The following ZBTB20 variants were observed in gnomAD, a reference collection of about 807,000 sequenced individuals.
ZBTB20 encodes the protein zinc finger and BTB domain containing 20.
A neutral mutation model predicts 56.9 loss-of-function variants in ZBTB20; 9 were observed. The observed-to-expected ratio is 0.16, with a 90% CI of 0.10 to 0.28. The LOEUF (loss-of-function observed/expected upper bound fraction) is 0.28. Ranked by LOEUF, ZBTB20 falls within the 10% of genes least tolerant of loss-of-function variation. The pLI is 1.00. For synonymous variants in ZBTB20, 417 were observed against 420.7 expected, an observed-to-expected ratio of 0.99 and a Z score of 0.11; for missense variants, 655 against 1,003.0, an observed-to-expected ratio of 0.65 and a Z score of 4.69.
chr3:114,407,198 A>G (rs9849355), intron 7 of ZBTB20, among the ~76,000 whole-genome samples: 10,012 of 152,278 alleles, frequency 0.066, 498 homozygotes, highest in Non-Finnish European at 0.11. Context: ...TAGAAAATCA[A>G]ATAAATAAGA....
intron 6 of ZBTB20, among the ~76,000 whole-genome samples, chr3:114,542,007 C>T (rs1259289147): frequency 2.0e-5 from 3 of 152,080 alleles, no homozygotes; most frequent in African/African-American, 7.2e-5. Context: ...ATTTAATGAT[C>T]ATCTGGATGT....
In ZBTB20 at chr3:114,321,057, C is replaced by G. The variant is rs1349963884; in HGVS notation, c.*17948G>C. ...AAGCCTCCAAGTTATGTTAGGTGGA[C>G]AGTAAGACCAGGTGGACAGCATTTG... is the stretch of plus-strand genomic sequence containing the variant. On this transcript the variant is annotated 3_prime_UTR_variant, in exon 12 of 12. Coordinates refer to ENST00000675478, the MANE Select transcript of ZBTB20 (RefSeq NM_001348800.3). 2 of 152,118 alleles carry G rather than the reference C, an allele frequency of 1.3e-5. No homozygotes were observed. Among genetic ancestry groups the G allele is most frequent in the African/African-American group, 4.8e-5 (2 of 41,424 alleles). The allele number at this position is 152,118 out of a possible 1,614,324, so 9.4% of individuals were successfully genotyped here. A position where few individuals can be genotyped will look rare whatever the true frequency, so the allele number is the denominator to read the frequency against.
chr3:114,704,710 T>A (rs778603434), intron 5 of ZBTB20, among the ~76,000 whole-genome samples: 2 of 152,120 alleles, frequency 1.3e-5, no homozygotes, highest in Non-Finnish European at 2.9e-5. Flanking sequence ...GAATTCTAAC[T>A]CTCTCATTTT....
chr3:114,793,032 T>G (rs919687012), intron 5 of ZBTB20, among the ~76,000 whole-genome samples: 1 of 151,760 alleles, frequency 6.6e-6, no homozygotes, highest in African/African-American at 2.4e-5. Context: ...CCTGCCACCA[T>G]CCCCAGCTAA....
intron 3 of ZBTB20, among the ~76,000 whole-genome samples, chr3:114,946,818 T>C (rs1469229003): frequency 6.9e-6 from 1 of 145,466 alleles, no homozygotes; most frequent in Non-Finnish European, 1.5e-5. Flanking sequence ...TGGTACTTAA[T>C]TAAACTAAAA....
intron 7 of ZBTB20, among the ~76,000 whole-genome samples, chr3:114,421,109 G>C (rs35081511): frequency 6.6e-6 from 1 of 151,970 alleles, no homozygotes; most frequent in African/African-American, 2.4e-5. Context: ...TCAATTCTTA[G>C]GGCTTTTCCT....
At chr3:114,484,476 T>C (rs1331359248) in intron 7 of ZBTB20, among the ~76,000 whole-genome samples, 1 of 152,140 alleles carries the variant, frequency 6.6e-6, no homozygotes, top group Admixed American at 6.5e-5. Context: ...GGACCAGGTA[T>C]ATACTGCAAT....
intron 7 of ZBTB20, among the ~76,000 whole-genome samples, chr3:114,472,024 C>G (rs370344475): frequency 1.8e-4 from 28 of 152,178 alleles, no homozygotes; most frequent in African/African-American, 6.5e-4. Context: ...TTTCCTTAGG[C>G]GAATAGGAGG....
intron 6 of ZBTB20, among the ~76,000 whole-genome samples, chr3:114,679,817 C>T (rs1288156449): frequency 6.6e-6 from 1 of 152,160 alleles, no homozygotes; most frequent in Non-Finnish European, 1.5e-5. Flanking sequence ...AATCATTCTA[C>T]TATAAAGACT....
In ZBTB20 at chr3:114,339,559, G is replaced by T. The variant is rs2079605939; in HGVS notation, c.1805-133C>A. 1 of 1,133,712 alleles carries T rather than the reference G, an allele frequency of 8.8e-7. No individual in the cohort carries two copies. Among genetic ancestry groups the T allele is most frequent in the Non-Finnish European group, 1.2e-6 (1 of 826,996 alleles). 70.2% of individuals were successfully genotyped at this position (1,133,712 alleles called of 1,614,324 possible). ...AAAAAATAAAATTTGATTGCTTAAT[G>T]GATCATCCTCGTTTGGAAAAATCCA... On this transcript the variant is annotated intron_variant, in intron 11 of 11. Transcript: ENST00000675478. The surrounding 1 kb of genome is among the most constrained non-coding windows in gnomAD (Gnocchi z 4.2).
At chr3:115,047,520 T>C (rs1162426396) in intron 2 of ZBTB20, among the ~76,000 whole-genome samples, 36 of 152,208 alleles carry the variant, frequency 2.4e-4, no homozygotes, top group Admixed American at 2.3e-3. Flanking sequence ...ATAATCATTA[T>C]TGTACATTAT....
intron 2 of ZBTB20, among the ~76,000 whole-genome samples, chr3:115,056,112 A>G (rs1258868257): frequency 6.6e-6 from 1 of 152,162 alleles, no homozygotes; most frequent in Non-Finnish European, 1.5e-5. Context: ...AATGAGAGAT[A>G]CATATAAGCA....
chr3:114,432,944 T>A (rs747004835), intron 7 of ZBTB20, among the ~76,000 whole-genome samples: 8 of 151,934 alleles, frequency 5.3e-5, no homozygotes, highest in Non-Finnish European at 8.8e-5. Flanking sequence ...AAGCTTAGAG[T>A]AATAAACTCC....
chr3:114,566,022 A>T (rs1269673703), intron 6 of ZBTB20, among the ~76,000 whole-genome samples: 7 of 127,772 alleles, frequency 5.5e-5, no homozygotes, highest in African/African-American at 1.6e-4. Flanking sequence ...TTCTTTTTTT[A>T]AAAGAAACCA....
intron 5 of ZBTB20, among the ~76,000 whole-genome samples, chr3:114,748,348 TCTTTTCTC>T (rs1560202413): frequency 1.5e-4 from 4 of 27,340 alleles, no homozygotes; most frequent in Non-Finnish European, 2.2e-4. Context: ...TTTCTTTCTT[TCTTTTCTC>T]TCTCTCTCTC....
chr3:114,471,320 T>A (rs2040103141), intron 7 of ZBTB20, among the ~76,000 whole-genome samples: 1 of 152,214 alleles, frequency 6.6e-6, no homozygotes, highest in South Asian at 2.1e-4. Flanking sequence ...AGATGGTAAA[T>A]AACTAGTTCA....
In ZBTB20 at chr3:115,023,153, T is replaced by A. The variant is rs142811964; in HGVS notation, c.-507+48066A>T. ...TGAAGCATGACAGTTAAATTGTGCCTAGAAGGACAGAGATTGAAACCTTAA... is the reference window on the plus strand; with the variant it reads ...TGAAGCATGACAGTTAAATTGTGCCAAGAAGGACAGAGATTGAAACCTTAA... On this transcript the variant is annotated intron_variant, in intron 2 of 11. Transcript: ENST00000675478. Among the ~76,000 whole-genome samples, 9 of 150,986 alleles carry A rather than the reference T, an allele frequency of 6.0e-5. No individual in the cohort carries two copies. The East Asian group carries it at 1.4e-3, about 23-fold the overall frequency.
At chr3:115,032,352 G>C (rs548422401) in intron 2 of ZBTB20, among the ~76,000 whole-genome samples, 2 of 151,540 alleles carry the variant, frequency 1.3e-5, no homozygotes, top group South Asian at 2.1e-4. Context: ...TGAGGAAAGA[G>C]AAGTGTGTGG....
chr3:114,486,672 TG>T (rs1240503976), intron 7 of ZBTB20, among the ~76,000 whole-genome samples: 2 of 152,228 alleles, frequency 1.3e-5, no homozygotes, highest in Non-Finnish European at 2.9e-5. Flanking sequence ...AAGATTTAGG[TG>T]TACCTTTCAC....
Sources: allele counts gnomAD v4.1 joint callset (sites outside exome capture counted in the v4.1 genomes callset), GRCh38; gene constraint gnomAD v4.1.1; non-coding constraint Gnocchi (gnomAD v3.1); transcripts MANE v1.5; gene names NCBI Gene and HGNC (gene_info 2026-07-23, HGNC 2026-07-21).